RAB9B: variants seen among roughly 807,000 people sequenced by gnomAD.
RAB9B encodes the protein ras-related protein Rab-9B.
A neutral mutation model predicts 8.9 loss-of-function variants in RAB9B; 1 was observed. The ratio of observed to expected loss-of-function variants is 0.11; its 90% CI spans 0.04 to 0.53. RAB9B has a LOEUF of 0.53. Ranked by LOEUF, RAB9B falls within the 20% of genes least tolerant of loss-of-function variation. The pLI is 0.93. For synonymous variants in RAB9B, 63 were observed against 57.0 expected, an observed-to-expected ratio of 1.10 and a Z score of -0.47; for missense variants, 82 against 152.9, an observed-to-expected ratio of 0.54 and a Z score of 2.45.
downstream of RAB9B, among the ~76,000 whole-genome samples, chrX:103,818,464 TA>T (rs2074648013): frequency 9.0e-6 from 1 of 111,539 alleles, no homozygotes; most frequent in Admixed American, 9.6e-5. Flanking sequence ...TAGTAGGAAA[TA>T]AACAGAGGTG....
downstream of RAB9B, among the ~76,000 whole-genome samples, chrX:103,821,235 A>G (rs998606428): frequency 9.0e-6 from 1 of 110,808 alleles, no homozygotes; most frequent in East Asian, 2.8e-4. Context: ...ATGACTTTCT[A>G]TATTCTAAAA....
the RAB9B span, chrX:103,790,706 T>C: frequency 1.7e-6 from 1 of 597,427 alleles, no homozygotes. Context: ...CTGGCCCTCT[T>C]CTTACTTGAT....
chrX:103,796,956 G>A, the RAB9B span, among the ~76,000 whole-genome samples: 2 of 107,209 alleles, frequency 1.9e-5, no homozygotes, highest in Non-Finnish European at 3.8e-5. Flanking sequence ...TAGCCCCAGA[G>A]GCTGCGGGTG....
chrX:103,810,520 G>C, the RAB9B span, among the ~76,000 whole-genome samples: 1 of 112,230 alleles, frequency 8.9e-6, no homozygotes, highest in East Asian at 2.8e-4. Context: ...GTAGTCTGCT[G>C]TTCTGTGAAT....
the RAB9B span, among the ~76,000 whole-genome samples, chrX:103,802,132 C>T: frequency 9.4e-6 from 1 of 105,953 alleles, no homozygotes; most frequent in African/African-American, 3.5e-5. Context: ...TTAAATGGAT[C>T]GAAGTGGGTG....
the RAB9B span, among the ~76,000 whole-genome samples, chrX:103,777,865 C>A: frequency 1.8e-5 from 2 of 112,525 alleles, no homozygotes; most frequent in African/African-American, 6.5e-5. Flanking sequence ...TAACATTTGG[C>A]AAAACAAAGA....
chrX:103,827,600 T>C (rs1485483333), intron 1 of RAB9B, among the ~76,000 whole-genome samples: 1 of 112,331 alleles, frequency 8.9e-6, no homozygotes, highest in Non-Finnish European at 1.9e-5. Flanking sequence ...GGGCTTCCTG[T>C]TTACAATAAA....
the RAB9B span, among the ~76,000 whole-genome samples, chrX:103,794,368 A>T: frequency 8.9e-6 from 1 of 111,915 alleles, no homozygotes; most frequent in Non-Finnish European, 1.9e-5. Flanking sequence ...TTCTTGCCTT[A>T]CATGTGACAG....
chrX:103,813,079 C>T, the RAB9B span, among the ~76,000 whole-genome samples: 2 of 109,141 alleles, frequency 1.8e-5, no homozygotes, highest in Admixed American at 9.9e-5. Flanking sequence ...CATGCCACCA[C>T]GCCTGGCTAA....
chrX:103,826,799 T>C (rs1000605455), intron 2 of RAB9B, among the ~76,000 whole-genome samples: 4 of 111,943 alleles, frequency 3.6e-5, no homozygotes, highest in Admixed American at 2.8e-4. Context: ...CCCAAAGGGA[T>C]GAAAACGAAT....
intron 1 of RAB9B, among the ~76,000 whole-genome samples, chrX:103,830,805 T>C (rs2074700718): frequency 9.0e-6 from 1 of 111,583 alleles, no homozygotes; most frequent in South Asian, 3.8e-4. Flanking sequence ...GAGGAGGCAG[T>C]ACAATGAAGA....
the RAB9B span, among the ~76,000 whole-genome samples, chrX:103,807,022 C>A: frequency 8.9e-6 from 1 of 112,053 alleles, no homozygotes; most frequent in Non-Finnish European, 1.9e-5. Flanking sequence ...GGCCCAAAGC[C>A]TGCCTTATCT....
At chrX:103,831,413 C>T (rs1178409962) in intron 1 of RAB9B, among the ~76,000 whole-genome samples, 1 of 104,412 alleles carries the variant, frequency 9.6e-6, no homozygotes, top group East Asian at 3.0e-4. Context: ...TTCATGCCCA[C>T]ATTTATATCC....
the RAB9B span, chrX:103,780,369 A>G: frequency 8.9e-6 from 1 of 111,829 alleles, no homozygotes; most frequent in Non-Finnish European, 1.9e-5. Flanking sequence ...TTTAACAATC[A>G]AAGTCCTACC....
rs1367306590 is a variant in RAB9B, at chrX:103,825,450, T to C, written c.335A>G (p.Lys112Arg). 1 of 1,210,015 alleles carries C rather than the reference T, an allele frequency of 8.3e-7. No homozygotes were observed. Among genetic ancestry groups the C allele is most frequent in the African/African-American group, 1.8e-5 (1 of 57,120 alleles). Residue 112 changes from lysine to arginine, a missense_variant, in exon 3 of 3, where the codon AAG (lysine) becomes AGG (arginine). Transcript: ENST00000243298. ...QKEFIYYADV[K>R]DPEHFPFVVL... The stretch of plus-strand genomic sequence containing the variant: ...TACAAAGGGGAAATGCTCAGGGTCC[T>C]TCACATCCGCATAGTAAATAAATTC...
At chrX:103,787,993 T>C in the RAB9B span, 3 of 1,138,280 alleles carry the variant, frequency 2.6e-6, no homozygotes, top group Non-Finnish European at 3.6e-6. Flanking sequence ...GTGCTTTGGC[T>C]CTCCTACCCA....
At chrX:103,815,704 C>T in the RAB9B span, among the ~76,000 whole-genome samples, 1 of 112,198 alleles carries the variant, frequency 8.9e-6, no homozygotes, top group South Asian at 3.7e-4. Context: ...AGCCCAAAAT[C>T]TTCTCAAGCT....
downstream of RAB9B, among the ~76,000 whole-genome samples, chrX:103,820,864 C>T (rs1054068978): frequency 2.2e-4 from 24 of 109,210 alleles, no homozygotes; most frequent in Admixed American, 1.5e-3. Flanking sequence ...GCATGAGAAT[C>T]GCTTGAGTCC....
the RAB9B span, chrX:103,776,653 C>G: frequency 2.7e-5 from 7 of 262,676 alleles, no homozygotes; most frequent in Non-Finnish European, 4.7e-5. Flanking sequence ...TCCAGGCAAG[C>G]CTTAGGGAAA....
Sources: gnomAD v4.1 joint callset for allele counts (sites outside exome capture counted in the v4.1 genomes callset) on GRCh38, gnomAD v4.1.1 for gene constraint, MANE v1.5 for transcripts, NCBI Gene and HGNC (gene_info 2026-07-23, HGNC 2026-07-21) for gene names.